NEDD1: variants seen among roughly 807,000 people sequenced by gnomAD.
The protein encoded by NEDD1 is protein NEDD1.
A neutral mutation model predicts 74.0 loss-of-function variants in NEDD1; 33 were observed. The observed-to-expected ratio is 0.45, with a 90% CI of 0.34 to 0.60. The LOEUF (loss-of-function observed/expected upper bound fraction) is 0.60. Among genes scored for constraint, NEDD1 ranks in the 20% least tolerant of loss-of-function variants. The probability of loss-of-function intolerance (pLI) is 0.01; values close to 1 mark genes in which losing one functional copy is unlikely to be tolerated. For missense variants in NEDD1, 746 were observed against 776.5 expected (o/e 0.96, Z 0.47); for synonymous variants, 250 against 264.4 (o/e 0.95, Z 0.53).
chr12:96,941,102 T>C (rs1485153575), intron 10 of NEDD1, among the ~76,000 whole-genome samples: 1 of 152,106 alleles, frequency 6.6e-6, no homozygotes, highest in Non-Finnish European at 1.5e-5. Context: ...ACCTCATTGC[T>C]AACAGCAATA....
At chr12:96,928,501 A>G (rs977998044) in intron 6 of NEDD1, among the ~76,000 whole-genome samples, 5 of 151,956 alleles carry the variant, frequency 3.3e-5, no homozygotes, top group Admixed American at 2.0e-4. Flanking sequence ...TTACCCTATT[A>G]TCTTTGGTCT....
At chr12:96,939,324 G>A (rs1877434882) in intron 9 of NEDD1, among the ~76,000 whole-genome samples, 1 of 151,934 alleles carries the variant, frequency 6.6e-6, no homozygotes, top group Non-Finnish European at 1.5e-5. Flanking sequence ...GCTGAGTTAT[G>A]CATTCAAACA....
chr12:96,940,602 T>C lies in NEDD1; in HGVS notation c.1246+65T>C, dbSNP rs1054528291. ...TAATATTTTTATTCTGGCTAAAAGA[T>C]GTGAATAATAGCTTCAGTCCAACTC... On this transcript the variant is annotated intron_variant, in intron 10 of 15. Transcript: ENST00000266742. 17 of 1,172,792 alleles carry C rather than the reference T, an allele frequency of 1.4e-5. No homozygotes were observed. The African/African-American group carries it at 2.3e-4, about 16-fold the overall frequency. The allele number at this position is 1,172,792 out of a possible 1,614,324, so 72.6% of individuals were successfully genotyped here.
intron 9 of NEDD1, among the ~76,000 whole-genome samples, chr12:96,939,267 C>T (rs1372028160): frequency 4.6e-5 from 7 of 152,042 alleles, no homozygotes; most frequent in Non-Finnish European, 4.4e-5. Context: ...AAGACTTTAG[C>T]GCTGTTTTCA....
At chr12:96,943,120 T>A (rs1240615152) in intron 11 of NEDD1, among the ~76,000 whole-genome samples, 1 of 152,020 alleles carries the variant, frequency 6.6e-6, no homozygotes. Flanking sequence ...CCAAGCCACG[T>A]TCAAAGGGAG....
intron 6 of NEDD1, among the ~76,000 whole-genome samples, chr12:96,920,770 T>G (rs935745887): frequency 6.6e-6 from 1 of 152,206 alleles, no homozygotes; most frequent in African/African-American, 2.4e-5. Flanking sequence ...GTGCAAGTTC[T>G]TTCAATTTTT....
At chr12:96,908,943 G>A (rs1317990589) in intron 2 of NEDD1, among the ~76,000 whole-genome samples, 1 of 152,152 alleles carries the variant, frequency 6.6e-6, no homozygotes, top group Non-Finnish European at 1.5e-5. Context: ...TTGGGAGGCT[G>A]AGGCGGGCAG....
chr12:96,929,600 C>CACAT (rs1197137515), intron 6 of NEDD1, among the ~76,000 whole-genome samples: 2 of 55,130 alleles, frequency 3.6e-5, no homozygotes, highest in African/African-American at 7.7e-5. Context: ...CACACACACA[C>CACAT]ATATGTGTAT....
rs766782304 is a variant in NEDD1 at position 96,940,430 on chromosome 12, C to G, written c.1139C>G (p.Thr380Arg). Reference sequence around the variant, plus strand: ...TAAGGTTTGCCTCGAAGCATAAACACAGACACTTTATCTAAGGAAACAGAC... The same window carrying G: ...TAAGGTTTGCCTCGAAGCATAAACAGAGACACTTTATCTAAGGAAACAGAC... ...EKAGLPRSIN[T>R]DTLSKETDSG... The change falls in exon 10 of 16, where the codon ACA becomes AGA. Residue 380 changes from threonine to arginine, a missense_variant. This residue lies in a region of NEDD1 where 706 missense variants were observed against 706.7 expected (regional missense o/e 1.00). Transcript: ENST00000266742. The G allele has an allele frequency of 3.8e-6, 6 of 1,597,338 alleles. No homozygotes were observed. The African/African-American group carries it at 8.1e-5, about 21-fold the overall frequency.
chr12:96,921,792 T>A (rs986177123), intron 6 of NEDD1, among the ~76,000 whole-genome samples: 6 of 147,074 alleles, frequency 4.1e-5, no homozygotes, highest in Non-Finnish European at 6.1e-5. Flanking sequence ...TTTTTTTTTT[T>A]AATATTAGAG....
chr12:96,929,163 ATTTC>A (rs1286012321), intron 6 of NEDD1, among the ~76,000 whole-genome samples: 3 of 149,530 alleles, frequency 2.0e-5, no homozygotes, highest in African/African-American at 4.9e-5. Flanking sequence ...CTTTTTTGTT[ATTTC>A]TTTTTGATTT....
At chr12:96,951,744 T>G (rs1479292547) in intron 15 of NEDD1, among the ~76,000 whole-genome samples, 5 of 151,732 alleles carry the variant, frequency 3.3e-5, no homozygotes, top group African/African-American at 1.2e-4. Context: ...ATTTTAAATG[T>G]GCAAATATAA....
chr12:96,930,476 C>T (rs1018916863), intron 6 of NEDD1, among the ~76,000 whole-genome samples: 3 of 152,052 alleles, frequency 2.0e-5, no homozygotes, highest in Non-Finnish European at 1.5e-5. Context: ...CCTTCCAGGA[C>T]CAAATTGTGA....
rs1873473868 is a variant in NEDD1, at chr12:96,907,723, G to T, written c.-142G>T. ...TCAGCTGAGTGGTGTAGTTGAATTG[G>T]TTCCTGTAGCCGCTGTCCCTAAACC... is the stretch of plus-strand genomic sequence containing the variant. On this transcript the variant is annotated 5_prime_UTR_variant, in exon 2 of 16. Coordinates refer to ENST00000266742, the MANE Select transcript of NEDD1 (RefSeq NM_152905.4). 1.3e-6 allele frequency: 2 copies of T among 1,549,556 alleles called. No homozygotes were observed. Among genetic ancestry groups the T allele is most frequent in the Admixed American group, 2.0e-5 (1 of 50,918 alleles).
chr12:96,913,709 G>C (rs1874156541), intron 4 of NEDD1, among the ~76,000 whole-genome samples: 1 of 152,014 alleles, frequency 6.6e-6, no homozygotes, highest in Admixed American at 6.6e-5. Flanking sequence ...TCTGATTAAG[G>C]ATAATACTGG....
At chr12:96,916,524 C>T (rs905447612) in intron 4 of NEDD1, among the ~76,000 whole-genome samples, 16 of 137,840 alleles carry the variant, frequency 1.2e-4, no homozygotes, top group African/African-American at 3.6e-4. Flanking sequence ...TTTGTTCTTG[C>T]GATAGTTTAC....
chr12:96,951,121 C>G (rs1052700954), intron 14 of NEDD1, among the ~76,000 whole-genome samples: 2 of 151,806 alleles, frequency 1.3e-5, no homozygotes, highest in Non-Finnish European at 3.0e-5. Context: ...TACATCCTAG[C>G]TCCATCATTT....
At chr12:96,940,366 T>C in intron 9 of NEDD1, 43 bp from the exon 10 acceptor site, 2 of 1,244,182 alleles carry the variant, frequency 1.6e-6, no homozygotes, top group South Asian at 1.5e-5. Flanking sequence ...ATAAAATTTA[T>C]TTAGATGTAA....
chr12:96,913,070 T>C (rs1172458923), intron 4 of NEDD1, among the ~76,000 whole-genome samples: 1 of 152,190 alleles, frequency 6.6e-6, no homozygotes, highest in Non-Finnish European at 1.5e-5. Context: ...CATTTCTCCA[T>C]TTTCCCTCAG....
Sources: allele counts gnomAD v4.1 joint callset (sites outside exome capture counted in the v4.1 genomes callset), GRCh38; gene constraint gnomAD v4.1.1; regional missense constraint gnomAD v4.1.1; transcripts MANE v1.5; gene names NCBI Gene and HGNC (gene_info 2026-07-23, HGNC 2026-07-21).